Variants in CD2AP observed in about 807,000 individuals in gnomAD.
CD2AP encodes CD2-associated protein.
In CD2AP, 46 loss-of-function variants were observed where a neutral mutation model predicts 85.1. That is an observed-to-expected ratio of 0.54 (90% CI 0.43 to 0.69). The LOEUF is 0.69. CD2AP is among the 30% of genes least tolerant of loss of function. CD2AP has a pLI of 0.00. For missense variants in CD2AP, 769 were observed against 729.5 expected (o/e 1.05, Z -0.62); for synonymous variants, 255 against 252.9 (o/e 1.01, Z -0.08).
chr6:47,527,105 C>T (rs1294616838), intron 2 of CD2AP, among the ~76,000 whole-genome samples: 1 of 86,948 alleles, frequency 1.2e-5, no homozygotes, highest in Non-Finnish European at 2.3e-5. Context: ...AAATAAAAGA[C>T]TCCCCCCCGA....
At chr6:47,532,847 T>G (rs1766924588) in intron 2 of CD2AP, among the ~76,000 whole-genome samples, 1 of 152,244 alleles carries the variant, frequency 6.6e-6, no homozygotes, top group Non-Finnish European at 1.5e-5. Context: ...TGATATATTT[T>G]TATGATACTG....
chr6:47,608,432 T>C (rs1214187680), intron 15 of CD2AP, among the ~76,000 whole-genome samples: 2 of 152,170 alleles, frequency 1.3e-5, no homozygotes, highest in African/African-American at 4.8e-5. Flanking sequence ...TCCTTTCATC[T>C]GTTACATGTG....
chr6:47,608,159 A>C, intron 15 of CD2AP, 131 bp downstream of exon 15: 1 of 709,750 alleles, frequency 1.4e-6, no homozygotes, highest in Non-Finnish European at 2.5e-6. Context: ...TGCTGCTAAA[A>C]AATTGAGTTG....
chr6:47,587,590 T>C (rs1247776245), intron 11 of CD2AP, among the ~76,000 whole-genome samples: 1 of 152,174 alleles, frequency 6.6e-6, no homozygotes, highest in African/African-American at 2.4e-5. Flanking sequence ...AAGCACAAGT[T>C]ATCCTGCTTT....
At chr6:47,580,075 A>G (rs1214146600) in intron 9 of CD2AP, among the ~76,000 whole-genome samples, 2 of 152,176 alleles carry the variant, frequency 1.3e-5, no homozygotes, top group Admixed American at 6.5e-5. Context: ...AGGATGGGCT[A>G]CCATGTTAGG....
rs886061525 is a variant in CD2AP, at chr6:47,624,721, G to GTGTGTGTGTA, written c.*495_*496insGTGTGTGTAT. 1.0e-4 allele frequency: 12 copies of GTGTGTGTGTA among 120,140 alleles called. No individual in the cohort carries two copies. The highest frequency in any genetic ancestry group is 3.6e-4 in the African/African-American group (12 of 33,330). 7.4% of individuals were successfully genotyped at this position (120,140 alleles called of 1,614,324 possible). On this transcript the variant is annotated 3_prime_UTR_variant, in exon 18 of 18. Transcript: ENST00000359314. ...TGTGTGTGTGTGTGTGTGTGTGTGT[G>GTGTGTGTGTA]TATATATATATATATATTTTTACTT...
chr6:47,571,639 CTG>C (rs1348659875), intron 5 of CD2AP, among the ~76,000 whole-genome samples: 1 of 152,112 alleles, frequency 6.6e-6, no homozygotes, highest in East Asian at 1.9e-4. Context: ...GAGCACCAGT[CTG>C]TGAATGCATA....
At chr6:47,545,575 G>C (rs1466296367) in intron 4 of CD2AP, among the ~76,000 whole-genome samples, 1 of 152,108 alleles carries the variant, frequency 6.6e-6, no homozygotes, top group Non-Finnish European at 1.5e-5. Flanking sequence ...AACAGCCAGA[G>C]CTAAGGACCT....
intron 11 of CD2AP, among the ~76,000 whole-genome samples, chr6:47,588,465 C>T (rs760778741): frequency 2.0e-5 from 3 of 151,982 alleles, no homozygotes; most frequent in Admixed American, 6.6e-5. Context: ...CAGATTATGA[C>T]GTGTTTACAT....
At chr6:47,486,509 G>A (rs1385878056) in intron 1 of CD2AP, among the ~76,000 whole-genome samples, 1 of 152,158 alleles carries the variant, frequency 6.6e-6, no homozygotes, top group African/African-American at 2.4e-5. Context: ...ATAGATTCCT[G>A]CACTGAAGGA....
intron 6 of CD2AP, 153 bp from the exon 7 acceptor site, chr6:47,576,371 T>C: frequency 1.5e-6 from 1 of 645,620 alleles, no homozygotes; most frequent in Non-Finnish European, 2.8e-6. Context: ...TTTGGAGACC[T>C]TTACCTGTTT....
At chr6:47,623,460 C>G in intron 17 of CD2AP, among the ~76,000 whole-genome samples, 1 of 152,306 alleles carries the variant, frequency 6.6e-6, no homozygotes, top group South Asian at 2.1e-4. Flanking sequence ...AGTCCTGTGT[C>G]ACTTGTTAGT....
At chr6:47,574,753 T>G (rs1768258632) in intron 6 of CD2AP, among the ~76,000 whole-genome samples, 1 of 152,042 alleles carries the variant, frequency 6.6e-6, no homozygotes, top group Non-Finnish European at 1.5e-5. Flanking sequence ...GTGGAGTATT[T>G]TATTTCATTA....
chr6:47,556,877 C>G (rs1767708156), intron 5 of CD2AP, among the ~76,000 whole-genome samples: 1 of 152,122 alleles, frequency 6.6e-6, no homozygotes, highest in Non-Finnish European at 1.5e-5. Context: ...ATTTCTAGTT[C>G]TAGATCCTTG....
chr6:47,579,401 G>T lies in CD2AP; in HGVS notation c.920G>T (p.Gly307Val), dbSNP rs1768407112. 1 of 1,610,300 alleles carries T rather than the reference G, an allele frequency of 6.2e-7. No homozygotes were observed. The highest frequency in any genetic ancestry group is 8.5e-7 in the Non-Finnish European group (1 of 1,176,748). ...GCTTTTTAGGAGACTGGAGAAGCTG[G>T]CTGGTGGAGGGGCGAACTTAATGGT... ...HLISKETGEA[G>V]WWRGELNGKE... is the part of the protein sequence containing the mutation. Residue 307 changes from glycine (G) to valine (V), a missense_variant, in exon 9 of 18, where the codon GGC becomes GTC. Gly to Val is a moderately radical substitution (Grantham distance 109). Coordinates refer to ENST00000359314, the MANE Select transcript of CD2AP (RefSeq NM_012120.3).
At chr6:47,531,616 C>G (rs1766877666) in intron 2 of CD2AP, among the ~76,000 whole-genome samples, 1 of 151,636 alleles carries the variant, frequency 6.6e-6, no homozygotes, top group Non-Finnish European at 1.5e-5. Flanking sequence ...GCACAACTCT[C>G]AAATTTTGGA....
At chr6:47,559,158 A>T (rs978925230) in intron 5 of CD2AP, among the ~76,000 whole-genome samples, 2 of 151,534 alleles carry the variant, frequency 1.3e-5, no homozygotes, top group African/African-American at 2.4e-5. Context: ...TTTCTGTGGG[A>T]TCAGTGGTGA....
At chr6:47,525,430 T>C (rs1240819508) in intron 2 of CD2AP, among the ~76,000 whole-genome samples, 2 of 152,174 alleles carry the variant, frequency 1.3e-5, no homozygotes. Flanking sequence ...GCCTGTTTCA[T>C]TTGAGAAATG....
At chr6:47,617,560 C>T (rs552969772) in intron 17 of CD2AP, among the ~76,000 whole-genome samples, 2 of 152,216 alleles carry the variant, frequency 1.3e-5, no homozygotes, top group East Asian at 3.9e-4. Flanking sequence ...TTTCTGTTGC[C>T]CATATAGTCA....
Sources: gnomAD v4.1 joint callset for allele counts (sites outside exome capture counted in the v4.1 genomes callset) on GRCh38, gnomAD v4.1.1 for gene constraint, MANE v1.5 for transcripts, NCBI Gene and HGNC (gene_info 2026-07-23, HGNC 2026-07-21) for gene names.